The following MAD1L1 variants were observed in gnomAD, a reference collection of about 807,000 sequenced individuals.
The protein encoded by MAD1L1 is mitotic spindle assembly checkpoint protein MAD1.
Under a neutral mutation model 96.9 loss-of-function variants are expected in MAD1L1, and 95 were observed. The observed-to-expected ratio is 0.98, with a 90% CI of 0.83 to 1.16. The LOEUF is 1.16. Ranked by LOEUF, MAD1L1 falls within the 50% of genes most tolerant of loss-of-function variation. The probability of loss-of-function intolerance (pLI) is 0.00; values close to 1 mark genes in which losing one functional copy is unlikely to be tolerated. For synonymous variants in MAD1L1, 473 were observed against 396.6 expected (o/e 1.19, Z -2.29); for missense variants, 1,007 against 954.4 (o/e 1.06, Z -0.73).
At chr7:2,168,537 T>C (rs1790548624) in intron 10 of MAD1L1, among the ~76,000 whole-genome samples, 1 of 152,226 alleles carries the variant, frequency 6.6e-6, no homozygotes, top group Non-Finnish European at 1.5e-5. Flanking sequence ...CTGTGTGGCC[T>C]GGGCTTTCCT....
At chr7:1,828,676 A>G (rs1782551633) in intron 18 of MAD1L1, among the ~76,000 whole-genome samples, 1 of 152,152 alleles carries the variant, frequency 6.6e-6, no homozygotes, top group South Asian at 2.1e-4. Context: ...GTCTCCGAAC[A>G]GAGCTCACGA....
rs188405950 is a variant in MAD1L1 at position 1,825,191 on chromosome 7, G to A, written c.1999-8963C>T. Among the ~76,000 whole-genome samples the A allele has an allele frequency of 1.2e-4, 19 of 152,286 alleles. No homozygotes were observed. In the East Asian group the frequency reaches 3.7e-3, roughly 29 times the overall value. On this transcript the variant is annotated intron_variant, in intron 18 of 18. Transcript: ENST00000265854. Reference sequence around the variant, plus strand: ...GCTGAGCACACGGGTTCCCCACTGCGGACACATGCAAGCCCCAATCCTTAT... The same window carrying A: ...GCTGAGCACACGGGTTCCCCACTGCAGACACATGCAAGCCCCAATCCTTAT...
At chr7:2,129,636 T>C (rs1199667537) in intron 11 of MAD1L1, among the ~76,000 whole-genome samples, 1 of 152,174 alleles carries the variant, frequency 6.6e-6, no homozygotes, top group African/African-American at 2.4e-5. Flanking sequence ...CTAACAAAGA[T>C]GGTCTCCCTG....
At chr7:1,916,635 A>G (rs1198734650) in intron 17 of MAD1L1, among the ~76,000 whole-genome samples, 1 of 152,130 alleles carries the variant, frequency 6.6e-6, no homozygotes, top group East Asian at 1.9e-4. Context: ...CAAGGGAGTC[A>G]GCAGCTGCCC....
chr7:2,044,005 C>T (rs191537540), intron 12 of MAD1L1, among the ~76,000 whole-genome samples: 22 of 152,248 alleles, frequency 1.4e-4, no homozygotes, highest in Admixed American at 1.1e-3. Flanking sequence ...CAATGGACGG[C>T]GGCAGCAATG....
At chr7:2,091,387 G>T (rs956270554) in intron 11 of MAD1L1, among the ~76,000 whole-genome samples, 3 of 152,240 alleles carry the variant, frequency 2.0e-5, no homozygotes, top group Admixed American at 2.0e-4. Context: ...TCTGCCTGCA[G>T]TTCCTTCTGA....
intron 16 of MAD1L1, 58 bp downstream of exon 16, chr7:1,957,571 C>A (rs952700341): frequency 6.5e-7 from 1 of 1,548,248 alleles, no homozygotes; most frequent in South Asian, 1.1e-5. Flanking sequence ...TCGTTCACGA[C>A]GCCCAAAGAA....
At chr7:2,221,568 C>T (rs1376180546) in intron 5 of MAD1L1, among the ~76,000 whole-genome samples, 1 of 146,900 alleles carries the variant, frequency 6.8e-6, no homozygotes, top group South Asian at 2.3e-4. Flanking sequence ...CGATCTTGAT[C>T]GCCACAGACA....
intron 10 of MAD1L1, among the ~76,000 whole-genome samples, chr7:2,195,548 G>C (rs567494118): frequency 4.6e-5 from 7 of 152,190 alleles, no homozygotes; most frequent in African/African-American, 1.7e-4. Context: ...AAAATTACAC[G>C]GGGTGGAAGC....
chr7:1,862,676 T>C (rs1784589755), intron 18 of MAD1L1, among the ~76,000 whole-genome samples: 1 of 152,252 alleles, frequency 6.6e-6, no homozygotes, highest in Non-Finnish European at 1.5e-5. Flanking sequence ...CCTACAGGCC[T>C]GTTATTTACT....
At chr7:1,929,185 C>T (rs1789281441) in intron 17 of MAD1L1, among the ~76,000 whole-genome samples, 2 of 152,078 alleles carry the variant, frequency 1.3e-5, no homozygotes, top group Admixed American at 1.3e-4. Context: ...TTTTCTTCCA[C>T]CTCCTCCCTT....
intron 18 of MAD1L1, chr7:1,854,303 G>C: frequency 2.2e-6 from 1 of 445,220 alleles, no homozygotes; most frequent in Admixed American, 2.5e-5. Flanking sequence ...AGCCCCAGCA[G>C]CGAGCGGACG....
chr7:1,934,626 CGGGCGAACCCG>C (rs1789676405), intron 17 of MAD1L1, among the ~76,000 whole-genome samples: 2 of 146,504 alleles, frequency 1.4e-5, no homozygotes, highest in African/African-American at 5.1e-5. Flanking sequence ...AACGAACAGA[CGGGCGAACCCG>C]AGACAGGCAG....
intron 11 of MAD1L1, among the ~76,000 whole-genome samples, chr7:2,113,363 T>C (rs945712115): frequency 3.3e-5 from 5 of 152,284 alleles, no homozygotes; most frequent in African/African-American, 7.2e-5. Context: ...GTGGATCACC[T>C]GAGGTCAGGA....
rs897657422 is a variant in MAD1L1 at position 2,088,423 on chromosome 7, C to T, written c.1074-19085G>A. Among the ~76,000 whole-genome samples the T allele has an allele frequency of 2.0e-5, 3 of 152,198 alleles. No homozygotes were observed. The highest frequency in any genetic ancestry group is 7.2e-5 in the African/African-American group (3 of 41,438). On this transcript the variant is annotated intron_variant, in intron 11 of 18. Coordinates refer to ENST00000265854, the MANE Select transcript of MAD1L1 (RefSeq NM_001013836.2). The surrounding 1 kb of genome is among the most constrained non-coding windows in gnomAD (Gnocchi z 4.4). ...TCCCACCACAGCCCCCGCCCCGCTCCGTCCCACCATGGCAGTCTGAGCTCC... is the reference window on the plus strand; with the variant it reads ...TCCCACCACAGCCCCCGCCCCGCTCTGTCCCACCATGGCAGTCTGAGCTCC...
chr7:2,122,763 G>A (rs1788039546), intron 11 of MAD1L1, among the ~76,000 whole-genome samples: 1 of 152,238 alleles, frequency 6.6e-6, no homozygotes, highest in South Asian at 2.1e-4. Context: ...ACCTGTGCAG[G>A]TGCACGGGTG....
intron 11 of MAD1L1, among the ~76,000 whole-genome samples, chr7:2,118,535 A>G (rs1183112514): frequency 6.6e-6 from 1 of 152,162 alleles, no homozygotes; most frequent in African/African-American, 2.4e-5. Flanking sequence ...GATACACACT[A>G]CTCAACACAC....
At chr7:2,207,832 A>C (rs1221294490) in intron 10 of MAD1L1, among the ~76,000 whole-genome samples, 1 of 152,154 alleles carries the variant, frequency 6.6e-6, no homozygotes, top group Admixed American at 6.5e-5. Context: ...AATGAAGCAG[A>C]GATGCCGGCC....
At chr7:2,048,831 C>T (rs1784046546) in intron 12 of MAD1L1, among the ~76,000 whole-genome samples, 1 of 152,240 alleles carries the variant, frequency 6.6e-6, no homozygotes, top group Non-Finnish European at 1.5e-5. Flanking sequence ...ACCACTCCCA[C>T]TTCCCCAAGC....
Sources: allele counts gnomAD v4.1 joint callset (sites outside exome capture counted in the v4.1 genomes callset), GRCh38; gene constraint gnomAD v4.1.1; non-coding constraint Gnocchi (gnomAD v3.1); transcripts MANE v1.5; gene names NCBI Gene and HGNC (gene_info 2026-07-23, HGNC 2026-07-21).